The following VAV2 variants were observed in gnomAD, a reference collection of about 807,000 sequenced individuals.
VAV2 encodes vav guanine nucleotide exchange factor 2, also known as guanine nucleotide exchange factor VAV2.
VAV2 carries 67 observed loss-of-function variants against 132.5 expected under a neutral mutation model. The observed-to-expected ratio is 0.51, with a 90% CI of 0.42 to 0.62. VAV2 has a LOEUF of 0.62. VAV2 is among the 20% of genes least tolerant of loss of function. The probability of loss-of-function intolerance (pLI) is 0.00; values close to 1 mark genes in which losing one functional copy is unlikely to be tolerated. For synonymous variants in VAV2, 492 were observed against 443.5 expected (o/e 1.11, Z -1.37); for missense variants, 938 against 1,153.6 (o/e 0.81, Z 2.71).
intron 2 of VAV2, among the ~76,000 whole-genome samples, chr9:133,866,541 C>T (rs539983030): frequency 4.6e-5 from 7 of 152,182 alleles, no homozygotes; most frequent in South Asian, 2.1e-4. Flanking sequence ...CGGTGGCTCA[C>T]GCCTGTAATC....
Position 133,991,097 on chromosome 9 carries a change from G to T in VAV2, c.204+978C>A, listed in dbSNP as rs114155405. On this transcript the variant is annotated intron_variant, in intron 1 of 29. Transcript: ENST00000371850. The surrounding 1 kb of genome is among the most constrained non-coding windows in gnomAD (Gnocchi z 4.8). Reference sequence around the variant, plus strand: ...CTGGTGAATGGTCCCTCTCCACATGGAGTTGCCACTGCGCGCGGTGAGGGG... The same window carrying T: ...CTGGTGAATGGTCCCTCTCCACATGTAGTTGCCACTGCGCGCGGTGAGGGG... 8.5e-3 allele frequency among the ~76,000 whole-genome samples: 1,292 copies of T among 152,248 alleles called. 14 individuals carry two copies. The highest frequency in any genetic ancestry group is 0.03 in the African/African-American group (1,226 of 41,532).
rs539941560 is a variant in VAV2, at chr9:133,860,250, C to T, written c.380+1124G>A. ...CCGGGAGACGGAGGTTGCAGTGAGC[C>T]GAGATCGCGCCACTGCACTCCAGCC... On this transcript the variant is annotated intron_variant, in intron 3 of 29. Coordinates refer to ENST00000371850, the MANE Select transcript of VAV2 (RefSeq NM_001134398.2). 5.3e-5 allele frequency among the ~76,000 whole-genome samples: 8 copies of T among 151,238 alleles called. No individual in the cohort carries two copies. In the East Asian group the frequency reaches 5.8e-4, roughly 11 times the overall value.
chr9:133,938,833 C>A (rs1410637578), intron 2 of VAV2, among the ~76,000 whole-genome samples: 1 of 152,220 alleles, frequency 6.6e-6, no homozygotes, highest in Non-Finnish European at 1.5e-5. Context: ...TCTTCCCCCA[C>A]CCGCCTGAAT....
At position 133,924,622 on chromosome 9, in the gene VAV2, C is replaced by T. The variant is rs150782237; in HGVS notation, c.321+14481G>A. Among the ~76,000 whole-genome samples the T allele has an allele frequency of 5.9e-5, 9 of 152,342 alleles. 1 individual carries two copies. The highest frequency in any genetic ancestry group is 6.8e-3 in the Middle Eastern group (2 of 294). On this transcript the variant is annotated intron_variant, in intron 2 of 29. Transcript: ENST00000371850. ...CTGCCCCTGAGCTCAGACAAGAACA[C>T]GTCCACTAGGAGGCCAGTCACCACC...
At chr9:133,779,477 T>G (rs1226223633) in intron 21 of VAV2, among the ~76,000 whole-genome samples, 1 of 152,246 alleles carries the variant, frequency 6.6e-6, no homozygotes, top group Non-Finnish European at 1.5e-5. Context: ...GAGGCTGTAC[T>G]GAGCACTGCC....
intron 7 of VAV2, among the ~76,000 whole-genome samples, chr9:133,808,247 G>T (rs1225221218): frequency 6.6e-6 from 1 of 152,236 alleles, no homozygotes; most frequent in Non-Finnish European, 1.5e-5. Context: ...TGTGCGTGCA[G>T]AAAGGCCGCT....
chr9:133,807,173 G>A, intron 8 of VAV2, 85 bp downstream of exon 8: 1 of 1,455,678 alleles, frequency 6.9e-7, no homozygotes. Flanking sequence ...AGCTCTCCAA[G>A]GCCCTGAGGA....
intron 2 of VAV2, among the ~76,000 whole-genome samples, chr9:133,869,100 G>A (rs1387289970): frequency 6.6e-6 from 1 of 151,814 alleles, no homozygotes; most frequent in African/African-American, 2.4e-5. Context: ...GGGCTCAAGC[G>A]ATTCTCCCGC....
Position 133,935,679 on chromosome 9 carries a change from G to C in VAV2, c.321+3424C>G, listed in dbSNP as rs1840882496. Among the ~76,000 whole-genome samples, 1 of 152,240 alleles carries C rather than the reference G, an allele frequency of 6.6e-6. No homozygotes were observed. Among genetic ancestry groups the C allele is most frequent in the South Asian group, 2.1e-4 (1 of 4,828 alleles). On this transcript the variant is annotated intron_variant, in intron 2 of 29. Coordinates refer to ENST00000371850, the MANE Select transcript of VAV2 (RefSeq NM_001134398.2). This position sits in a 1 kb window ranked among gnomAD's most constrained non-coding sequence, Gnocchi z 5.2. ...GCTCCAGACCGTGGTGAACGTCCCA[G>C]CTCCCCAGCCTCCGCTGGCCCCAGG...
chr9:133,924,482 G>T (rs1039878646), intron 2 of VAV2, among the ~76,000 whole-genome samples: 2 of 152,136 alleles, frequency 1.3e-5, no homozygotes, highest in African/African-American at 4.8e-5. Context: ...CCACCACAGC[G>T]CCTGGCCCTT....
At chr9:133,945,914 C>T (rs993295245) in intron 1 of VAV2, among the ~76,000 whole-genome samples, 1 of 152,236 alleles carries the variant, frequency 6.6e-6, no homozygotes, top group African/African-American at 2.4e-5. Flanking sequence ...AACAGCCACA[C>T]AGCTTCTCTG....
intron 3 of VAV2, among the ~76,000 whole-genome samples, chr9:133,847,905 C>G (rs191006276): frequency 3.9e-5 from 6 of 152,126 alleles, no homozygotes; most frequent in African/African-American, 1.4e-4. Context: ...TGCCAAAAAC[C>G]GTGCTGATCA....
chr9:133,984,342 A>G (rs1233904802), intron 1 of VAV2, among the ~76,000 whole-genome samples: 1 of 148,558 alleles, frequency 6.7e-6, no homozygotes, highest in African/African-American at 2.5e-5. Flanking sequence ...TTCTGACTGC[A>G]GTGGCTCATG....
At chr9:133,898,689 T>A (rs539846846) in intron 2 of VAV2, among the ~76,000 whole-genome samples, 1 of 152,332 alleles carries the variant, frequency 6.6e-6, no homozygotes, top group Non-Finnish European at 1.5e-5. Flanking sequence ...ACTTTTTATG[T>A]GGTGCCCGGG....
intron 3 of VAV2, among the ~76,000 whole-genome samples, chr9:133,852,681 G>A (rs902198074): frequency 1.3e-5 from 2 of 151,858 alleles, no homozygotes; most frequent in South Asian, 2.1e-4. Flanking sequence ...TCTCCTGACC[G>A]TCTCCAGCAA....
intron 1 of VAV2, among the ~76,000 whole-genome samples, chr9:133,988,563 T>C (rs1338526133): frequency 6.6e-6 from 1 of 152,098 alleles, no homozygotes; most frequent in Non-Finnish European, 1.5e-5. Context: ...GCAGATGTGA[T>C]TTTTCTATGA....
chr9:133,953,004 C>T (rs2319064), intron 1 of VAV2, among the ~76,000 whole-genome samples: 31,958 of 126,262 alleles, frequency 0.25, 5,221 homozygotes, highest in East Asian at 0.38. Context: ...GCATGGCCCC[C>T]GGGACACCTA....
intron 5 of VAV2, among the ~76,000 whole-genome samples, 161 bp from the exon 6 acceptor site, chr9:133,810,366 G>A (rs1172976095): frequency 6.6e-6 from 1 of 152,200 alleles, no homozygotes; most frequent in Non-Finnish European, 1.5e-5. Flanking sequence ...CAGGGCGATG[G>A]CTCATGGGCC....
At chr9:133,770,890 T>C (rs777528660) in intron 26 of VAV2, among the ~76,000 whole-genome samples, 1 of 152,036 alleles carries the variant, frequency 6.6e-6, no homozygotes, top group Non-Finnish European at 1.5e-5. Context: ...TGGTGAATGT[T>C]TGTGGCCTTG....
Sources: allele counts gnomAD v4.1 joint callset (sites outside exome capture counted in the v4.1 genomes callset), GRCh38; gene constraint gnomAD v4.1.1; non-coding constraint Gnocchi (gnomAD v3.1); transcripts MANE v1.5; gene names NCBI Gene and HGNC (gene_info 2026-07-23, HGNC 2026-07-21).